The following ABLIM3 variants were observed in gnomAD, a reference collection of about 807,000 sequenced individuals.
ABLIM3 encodes the protein actin binding LIM protein family member 3.
Under a neutral mutation model 109.5 loss-of-function variants are expected in ABLIM3, and 61 were observed. That is an observed-to-expected ratio of 0.56 (90% CI 0.45 to 0.69). ABLIM3 has a LOEUF of 0.69. Ranked by LOEUF, ABLIM3 falls within the 30% of genes least tolerant of loss-of-function variation. The pLI is 0.00. For synonymous variants in ABLIM3, 300 were observed against 324.8 expected, an observed-to-expected ratio of 0.92 and a Z score of 0.82; for missense variants, 796 against 889.5, an observed-to-expected ratio of 0.89 and a Z score of 1.34.
At chr5:149,237,369 C>T in intron 10 of ABLIM3, 79 bp from the exon 11 acceptor site, 2 of 1,445,456 alleles carry the variant, frequency 1.4e-6, no homozygotes, top group Non-Finnish European at 1.9e-6. Context: ...CCTTCTGTAT[C>T]TTGTTTTTGT....
chr5:149,253,784 T>A (rs1754163740), intron 23 of ABLIM3, among the ~76,000 whole-genome samples: 1 of 152,210 alleles, frequency 6.6e-6, no homozygotes, highest in African/African-American at 2.4e-5. Flanking sequence ...GAGCACACTC[T>A]GCCCCTTACA....
At chr5:149,210,842 G>A in intron 7 of ABLIM3, 23 bp downstream of exon 7, 2 of 1,607,170 alleles carry the variant, frequency 1.2e-6, no homozygotes, top group Non-Finnish European at 1.7e-6. Flanking sequence ...AAGTAACCGT[G>A]AAGATGTGGC....
Position 149,259,923 on chromosome 5 carries a change from A to C in ABLIM3, c.*1519A>C. 8 of 245,260 alleles carry C rather than the reference A, an allele frequency of 3.3e-5. No homozygotes were observed. Among genetic ancestry groups the C allele is most frequent in the Non-Finnish European group, 5.6e-5 (7 of 124,790 alleles). 15.2% of individuals were successfully genotyped at this position (245,260 alleles called of 1,614,324 possible). On this transcript the variant is annotated 3_prime_UTR_variant, in exon 24 of 24. Coordinates refer to ENST00000309868, the MANE Select transcript of ABLIM3 (RefSeq NM_014945.5). ...GCACCTGCTGAATACTGAGCACTGA[A>C]TGGGGGAGGGGGAGGGGAGCACGGG...
chr5:149,253,893 GA>G (rs1270126011), intron 23 of ABLIM3, among the ~76,000 whole-genome samples: 3 of 152,016 alleles, frequency 2.0e-5, no homozygotes, highest in East Asian at 1.9e-4. Context: ...AATTTATAAA[GA>G]AAAAAAGGTT....
intron 10 of ABLIM3, 61 bp downstream of exon 10, chr5:149,233,361 G>A: frequency 1.3e-6 from 2 of 1,517,778 alleles, no homozygotes; most frequent in South Asian, 1.1e-5. Flanking sequence ...TATATAAAGA[G>A]TCACTAAGGA....
intron 23 of ABLIM3, among the ~76,000 whole-genome samples, chr5:149,255,256 C>T (rs749840701): frequency 5.3e-5 from 8 of 152,302 alleles, no homozygotes; most frequent in Non-Finnish European, 1.2e-4. Flanking sequence ...AGACTGTGGG[C>T]CCCTTGAGGG....
intron 4 of ABLIM3, among the ~76,000 whole-genome samples, chr5:149,199,833 C>T (rs922626306): frequency 2.0e-5 from 3 of 152,196 alleles, no homozygotes; most frequent in African/African-American, 7.2e-5. Context: ...GCTGTGGAAA[C>T]TGAACAAATC....
intron 2 of ABLIM3, among the ~76,000 whole-genome samples, chr5:149,163,558 A>C (rs1754569930): frequency 6.6e-6 from 1 of 152,088 alleles, no homozygotes; most frequent in Non-Finnish European, 1.5e-5. Flanking sequence ...ATAGGTGGGC[A>C]TCTTCCCCCT....
At chr5:149,182,493 C>G (rs1351993339) in intron 2 of ABLIM3, among the ~76,000 whole-genome samples, 1 of 152,186 alleles carries the variant, frequency 6.6e-6, no homozygotes, top group Non-Finnish European at 1.5e-5. Context: ...GACCAGACAG[C>G]TACCAACATT....
In ABLIM3 at chr5:149,198,394, C is replaced by T; in HGVS notation, c.327C>T (p.Ser109=). Residue 109 remains serine (S), a synonymous_variant, in exon 4 of 24, where the codon AGC becomes AGT. Coordinates refer to ENST00000309868, the MANE Select transcript of ABLIM3 (RefSeq NM_014945.5). The surrounding 1 kb of genome is among the most constrained non-coding windows in gnomAD (Gnocchi z 4.2). ...ACCACCCCAAGTGCTTCGTGTGCAGCTTGTGCAGGTGAGTGGGCGACCAGC... is the reference window on the plus strand; with the variant it reads ...ACCACCCCAAGTGCTTCGTGTGCAGTTTGTGCAGGTGAGTGGGCGACCAGC... ...RTYHPKCFVC[S]LCRKPFPIGD... 6.2e-7 allele frequency: 1 copy of T among 1,609,750 alleles called. No homozygotes were observed. The highest frequency in any genetic ancestry group is 8.5e-7 in the Non-Finnish European group (1 of 1,177,810).
intron 8 of ABLIM3, among the ~76,000 whole-genome samples, chr5:149,223,109 TTGGCGAGCTGCCA>T (rs1760823388): frequency 6.6e-6 from 1 of 151,354 alleles, no homozygotes; most frequent in African/African-American, 2.5e-5. Flanking sequence ...ATTTTAATTT[TTGGCGAGCTGCCA>T]TTTTTTTTTT....
intron 2 of ABLIM3, among the ~76,000 whole-genome samples, chr5:149,183,152 A>G (rs1288434302): frequency 6.6e-6 from 1 of 152,122 alleles, no homozygotes; most frequent in Non-Finnish European, 1.5e-5. Flanking sequence ...TTGATCACTT[A>G]CTTTGAAATA....
At chr5:149,183,336 C>A in intron 2 of ABLIM3, 116 bp from the exon 3 acceptor site, 1 of 1,225,800 alleles carries the variant, frequency 8.2e-7, no homozygotes, top group Non-Finnish European at 1.1e-6. Context: ...AGATACTTTG[C>A]ACATCATTTC....
chr5:149,217,246 A>T, intron 8 of ABLIM3, 200 bp downstream of exon 8: 1 of 605,062 alleles, frequency 1.7e-6, no homozygotes, highest in East Asian at 2.8e-5. Context: ...AGTGACATGT[A>T]ATCTGCCTTC....
chr5:149,239,711 G>A (rs1294614600), intron 12 of ABLIM3, 48 bp from the exon 13 acceptor site: 4 of 1,533,908 alleles, frequency 2.6e-6, no homozygotes, highest in Non-Finnish European at 3.5e-6. Context: ...TCGGGCCACA[G>A]GCCCACTTAA....
At chr5:149,254,001 A>G (rs1285485104) in intron 23 of ABLIM3, among the ~76,000 whole-genome samples, 1 of 152,224 alleles carries the variant, frequency 6.6e-6, no homozygotes, top group Non-Finnish European at 1.5e-5. Context: ...AGCAGGCAAG[A>G]GAGCTTGTAC....
intron 8 of ABLIM3, chr5:149,219,504 C>T (rs566608041): frequency 6.6e-6 from 1 of 152,410 alleles, no homozygotes; most frequent in African/African-American, 2.4e-5. Flanking sequence ...GGAAAATAGA[C>T]CCAGAGAAAA....
At chr5:149,240,204 G>T (rs558148185) in intron 13 of ABLIM3, among the ~76,000 whole-genome samples, 2 of 152,302 alleles carry the variant, frequency 1.3e-5, no homozygotes, top group Non-Finnish European at 2.9e-5. Context: ...CCATCCGGAG[G>T]GCAGAACCAA....
intron 2 of ABLIM3, among the ~76,000 whole-genome samples, chr5:149,155,504 C>G (rs377553983): frequency 6.6e-6 from 1 of 152,172 alleles, no homozygotes; most frequent in East Asian, 1.9e-4. Context: ...CAGAGGAAGA[C>G]AGGCCAAATT....
Sources: allele counts gnomAD v4.1 joint callset (sites outside exome capture counted in the v4.1 genomes callset), GRCh38; gene constraint gnomAD v4.1.1; non-coding constraint Gnocchi (gnomAD v3.1); transcripts MANE v1.5; gene names NCBI Gene and HGNC (gene_info 2026-07-23, HGNC 2026-07-21).